CHFR: variants seen among roughly 807,000 people sequenced by gnomAD.
The protein encoded by CHFR is checkpoint with forkhead and ring finger domains, also known as E3 ubiquitin-protein ligase CHFR.
A neutral mutation model predicts 87.6 loss-of-function variants in CHFR; 57 were observed. The observed-to-expected ratio is 0.65, with a 90% confidence interval of 0.53 to 0.81. The LOEUF (loss-of-function observed/expected upper bound fraction) is 0.81, where lower values mean the gene tolerates loss of function less well. Among genes scored for constraint, CHFR ranks in the 30% least tolerant of loss-of-function variants. CHFR has a pLI of 0.00. For synonymous variants in CHFR, 381 were observed against 359.2 expected (o/e 1.06, Z -0.69); for missense variants, 797 against 865.8 (o/e 0.92, Z 1.00).
chr12:132,832,368 G>T lies in CHFR; in HGVS notation c.*9186C>A, dbSNP rs1460236380. 1.3e-5 allele frequency: 2 copies of T among 152,034 alleles called. No individual in the cohort carries two copies. Among genetic ancestry groups the T allele is most frequent in the Admixed American group, 6.6e-5 (1 of 15,262 alleles). 9.4% of individuals were successfully genotyped at this position (152,034 alleles called of 1,614,324 possible). A position where few individuals can be genotyped will look rare whatever the true frequency, so the allele number is the denominator to read the frequency against. ...AAGGTGTAGCCAATGGGAGAAATAG[G>T]GAAAACATTTAATTAGCATAAGATC... is the stretch of plus-strand genomic sequence containing the variant. On this transcript the variant is annotated 3_prime_UTR_variant, in exon 18 of 18. Coordinates refer to ENST00000450056, the MANE Select transcript of CHFR (RefSeq NM_001161346.2).
chr12:132,880,166 C>T (rs1403782121), intron 2 of CHFR, among the ~76,000 whole-genome samples: 1 of 152,134 alleles, frequency 6.6e-6, no homozygotes, highest in Non-Finnish European at 1.5e-5. Context: ...TACCATCATG[C>T]TATAGTAAAC....
intron 2 of CHFR, among the ~76,000 whole-genome samples, chr12:132,881,815 C>T (rs1243175446): frequency 6.8e-6 from 1 of 147,202 alleles, no homozygotes; most frequent in African/African-American, 2.5e-5. Flanking sequence ...TTGCAGTGAG[C>T]TGAGATTGCG....
chr12:132,850,403 G>C (rs2078849037), intron 12 of CHFR, among the ~76,000 whole-genome samples: 1 of 152,090 alleles, frequency 6.6e-6, no homozygotes, highest in Admixed American at 6.6e-5. Flanking sequence ...TGGATTCCTG[G>C]GGAAAAGCTG....
intron 11 of CHFR, among the ~76,000 whole-genome samples, chr12:132,852,288 G>A (rs551417145): frequency 1.3e-5 from 2 of 152,042 alleles, no homozygotes; most frequent in African/African-American, 2.4e-5. Flanking sequence ...GTGCCCGGCC[G>A]ATCTGTTGAA....
chr12:132,851,986 TTC>T (rs1033292531), intron 11 of CHFR, among the ~76,000 whole-genome samples: 1 of 149,402 alleles, frequency 6.7e-6, no homozygotes, highest in African/African-American at 2.5e-5. Flanking sequence ...CTGTTGCAAG[TTC>T]TCTTTTTTTT....
chr12:132,843,049 G>A lies in CHFR; in HGVS notation c.1878C>T (p.Gly626=). The A allele has an allele frequency of 2.5e-6, 4 of 1,613,476 alleles. No homozygotes were observed. Among genetic ancestry groups the A allele is most frequent in the Non-Finnish European group, 3.4e-6 (4 of 1,179,834 alleles). ...AVTSRPDCYW[G]RNCRTQVKAH... is the part of the protein sequence containing the mutation. Reference sequence around the variant, plus strand: ...CTTTCACCTGAGTGCGGCAGTTACGGCCCCAGTAGCAGTCAGGACGGGATG... The same window carrying A: ...CTTTCACCTGAGTGCGGCAGTTACGACCCCAGTAGCAGTCAGGACGGGATG... The change falls in exon 17 of 18, where the codon GGC becomes GGT. Residue 626 remains glycine (G), a synonymous_variant. Coordinates refer to ENST00000450056, the MANE Select transcript of CHFR (RefSeq NM_001161346.2).
intron 13 of CHFR, 115 bp from the exon 14 acceptor site, chr12:132,848,270 A>G (rs1279149863): frequency 1.9e-6 from 3 of 1,550,212 alleles, no homozygotes; most frequent in South Asian, 2.4e-5. Flanking sequence ...AGAAAGAATA[A>G]GAAGTTCAAT....
At chr12:132,846,498 T>C (rs916717171) in intron 15 of CHFR, among the ~76,000 whole-genome samples, 5 of 151,638 alleles carry the variant, frequency 3.3e-5, no homozygotes, top group Admixed American at 1.3e-4. Context: ...TCTCAATCTC[T>C]TGACCTCATG....
intron 6 of CHFR, chr12:132,866,350 CTG>C (rs1951335992): frequency 6.6e-6 from 1 of 151,932 alleles, no homozygotes; most frequent in South Asian, 2.1e-4. Context: ...TTACAACACA[CTG>C]GAATGTTACA....
At chr12:132,869,831 G>A in intron 5 of CHFR, 33 bp from the exon 6 acceptor site, 1 of 1,550,722 alleles carries the variant, frequency 6.4e-7, no homozygotes, top group East Asian at 2.4e-5. Flanking sequence ...TTCCTTGTTA[G>A]CTTCTGTAAC....
intron 17 of CHFR, 36 bp from the exon 18 acceptor site, chr12:132,841,632 C>G (rs1950705778): frequency 1.3e-6 from 2 of 1,553,230 alleles, no homozygotes; most frequent in East Asian, 4.5e-5. Flanking sequence ...CACAAGAGAG[C>G]ATTGGAGAGG....
intron 6 of CHFR, among the ~76,000 whole-genome samples, chr12:132,868,691 A>C (rs1276213798): frequency 6.6e-6 from 1 of 151,400 alleles, no homozygotes; most frequent in Non-Finnish European, 1.5e-5. Context: ...ACAACAACAA[A>C]AAAGAGCACG....
intron 6 of CHFR, among the ~76,000 whole-genome samples, chr12:132,868,729 G>C (rs925824892): frequency 6.7e-6 from 1 of 150,026 alleles, no homozygotes; most frequent in Non-Finnish European, 1.5e-5. Context: ...GAAGTGTCTA[G>C]AACAGAAAAA....
intron 2 of CHFR, among the ~76,000 whole-genome samples, chr12:132,877,958 A>G (rs1951667993): frequency 6.6e-6 from 1 of 152,060 alleles, no homozygotes; most frequent in Non-Finnish European, 1.5e-5. Flanking sequence ...GCCCGCCATC[A>G]CGCCTGGCTA....
intron 2 of CHFR, among the ~76,000 whole-genome samples, chr12:132,882,630 A>T (rs926541259): frequency 1.1e-4 from 17 of 151,784 alleles, no homozygotes; most frequent in Non-Finnish European, 2.5e-4. Flanking sequence ...GTCTCCTTCA[A>T]GCCCCAAAAC....
chr12:132,864,244 C>T lies in CHFR; in HGVS notation c.584-2610G>A, dbSNP rs149505984. 5.8e-3 allele frequency among the ~76,000 whole-genome samples: 886 copies of T among 151,832 alleles called. 7 individuals are homozygous for T. The highest frequency in any genetic ancestry group is 8.9e-3 in the Admixed American group (136 of 15,244). On this transcript the variant is annotated intron_variant, in intron 6 of 17. Coordinates refer to ENST00000450056, the MANE Select transcript of CHFR (RefSeq NM_001161346.2). ...AAACAGAATAGTTTTGGGGACAAAC[C>T]ACCTCATATACGAACAGAAGGAAAG...
At chr12:132,865,097 A>C (rs1236466752) in intron 6 of CHFR, among the ~76,000 whole-genome samples, 1 of 152,204 alleles carries the variant, frequency 6.6e-6, no homozygotes, top group African/African-American at 2.4e-5. Flanking sequence ...AATACTAGTA[A>C]CCCCGCGTCC....
chr12:132,869,850 A>C, intron 5 of CHFR, 52 bp from the exon 6 acceptor site: 1 of 1,539,346 alleles, frequency 6.5e-7, no homozygotes, highest in Non-Finnish European at 8.8e-7. Context: ...ACCCAAAAGG[A>C]GCAGAAGCAG....
chr12:132,880,664 AG>A (rs1474434515), intron 2 of CHFR, among the ~76,000 whole-genome samples: 33 of 111,398 alleles, frequency 3.0e-4, no homozygotes, highest in East Asian at 2.8e-3. Context: ...ACTCAAAAAA[AG>A]AAAAAAAAAG....
Sources: allele counts gnomAD v4.1 joint callset (sites outside exome capture counted in the v4.1 genomes callset), GRCh38; gene constraint gnomAD v4.1.1; transcripts MANE v1.5; gene names NCBI Gene and HGNC (gene_info 2026-07-23, HGNC 2026-07-21).